Variants in ZFPM2 observed in about 807,000 individuals in gnomAD.
ZFPM2 encodes the protein zinc finger protein ZFPM2.
In ZFPM2, 20 loss-of-function variants were observed where a neutral mutation model predicts 98.6. That is an observed-to-expected ratio of 0.20 (90% confidence interval 0.14 to 0.29). The LOEUF (loss-of-function observed/expected upper bound fraction) is 0.29. ZFPM2 is among the 10% of genes least tolerant of loss of function. ZFPM2 has a pLI of 1.00. For missense variants in ZFPM2, 1,310 were observed against 1,388.6 expected, an observed-to-expected ratio of 0.94 and a Z score of 0.90; for synonymous variants, 518 against 502.7, an observed-to-expected ratio of 1.03 and a Z score of -0.41.
At chr8:105,571,841 A>G (rs1426035791) in intron 4 of ZFPM2, among the ~76,000 whole-genome samples, 2 of 152,146 alleles carry the variant, frequency 1.3e-5, no homozygotes, top group Non-Finnish European at 2.9e-5. Context: ...CTAATTTTCA[A>G]TAAATATTCC....
intron 1 of ZFPM2, among the ~76,000 whole-genome samples, chr8:105,375,865 A>T (rs1359030008): frequency 6.6e-6 from 1 of 152,104 alleles, no homozygotes; most frequent in African/African-American, 2.4e-5. Context: ...CTTCTGCAAC[A>T]TTTCCCTGTA....
At chr8:105,644,527 T>C (rs541429603) in intron 5 of ZFPM2, among the ~76,000 whole-genome samples, 17 of 152,070 alleles carry the variant, frequency 1.1e-4, no homozygotes, top group African/African-American at 3.6e-4. Flanking sequence ...TCTCTCTCTC[T>C]CCCTCGCTCC....
At chr8:105,471,829 A>G (rs1036397644) in intron 3 of ZFPM2, among the ~76,000 whole-genome samples, 8 of 152,170 alleles carry the variant, frequency 5.3e-5, no homozygotes, top group Admixed American at 2.0e-4. Flanking sequence ...TCAGAACACT[A>G]TCAGAACTCT....
chr8:105,582,002 A>G (rs1397562162), intron 4 of ZFPM2, among the ~76,000 whole-genome samples: 1 of 152,242 alleles, frequency 6.6e-6, no homozygotes, highest in Non-Finnish European at 1.5e-5. Flanking sequence ...TTAGGATCAG[A>G]CATTAGTTGG....
chr8:105,678,234 G>C (rs1224379896), intron 5 of ZFPM2, among the ~76,000 whole-genome samples: 1 of 152,072 alleles, frequency 6.6e-6, no homozygotes, highest in Non-Finnish European at 1.5e-5. Context: ...CCCTCTCTTT[G>C]CTTTTCCAGA....
chr8:105,388,051 T>A (rs1563635232), intron 1 of ZFPM2: 1 of 152,228 alleles, frequency 6.6e-6, no homozygotes, highest in Non-Finnish European at 1.5e-5. Flanking sequence ...ACCACCAAAT[T>A]AATTCAAGAC....
At chr8:105,656,243 T>C (rs548678725) in intron 5 of ZFPM2, among the ~76,000 whole-genome samples, 1 of 152,258 alleles carries the variant, frequency 6.6e-6, no homozygotes, top group South Asian at 2.1e-4. Context: ...GATGAAACCC[T>C]CCTGGTTCCT....
At chr8:105,330,178 T>C (rs1232665986) in intron 1 of ZFPM2, among the ~76,000 whole-genome samples, 1 of 151,540 alleles carries the variant, frequency 6.6e-6, no homozygotes, top group African/African-American at 2.4e-5. Flanking sequence ...CAGCCTGCAT[T>C]TGAATTTAGA....
At chr8:105,447,296 CA>C (rs1448541432) in intron 3 of ZFPM2, among the ~76,000 whole-genome samples, 1 of 147,780 alleles carries the variant, frequency 6.8e-6, no homozygotes, top group African/African-American at 2.5e-5. Context: ...AGATTTTTGG[CA>C]AAAAATTTGG....
chr8:105,644,235 C>G (rs1816998042), intron 5 of ZFPM2, among the ~76,000 whole-genome samples: 1 of 151,462 alleles, frequency 6.6e-6, no homozygotes, highest in Non-Finnish European at 1.5e-5. Context: ...ACCTCAGGGC[C>G]TTTGCACTGT....
At chr8:105,690,427 C>T (rs1460142213) in intron 5 of ZFPM2, among the ~76,000 whole-genome samples, 2 of 152,112 alleles carry the variant, frequency 1.3e-5, no homozygotes, top group Non-Finnish European at 2.9e-5. Context: ...AGAAAACTAC[C>T]GTAAGCTACA....
chr8:105,467,588 C>T lies in ZFPM2; in HGVS notation c.301+23207C>T, dbSNP rs531800192. 4.6e-5 allele frequency among the ~76,000 whole-genome samples: 7 copies of T among 152,166 alleles called. No homozygotes were observed. In the South Asian group the frequency reaches 1.5e-3, roughly 32 times the overall value. ...GATCTCTGACCTCAGAGAGCCTGCA[C>T]TTTACTATGAAATGCTGTTTAAAAT... On this transcript the variant is annotated intron_variant, in intron 3 of 7. Transcript: ENST00000407775.
At chr8:105,531,702 A>G (rs1244772394) in intron 3 of ZFPM2, among the ~76,000 whole-genome samples, 1 of 152,130 alleles carries the variant, frequency 6.6e-6, no homozygotes, top group African/African-American at 2.4e-5. Context: ...AAATGGGAAA[A>G]TTTTTTGTTT....
chr8:105,452,512 C>T (rs1292208331), intron 3 of ZFPM2, among the ~76,000 whole-genome samples: 2 of 151,902 alleles, frequency 1.3e-5, no homozygotes, highest in African/African-American at 2.4e-5. Context: ...CTTTGGGATG[C>T]CTCGGTGGGA....
At chr8:105,510,135 C>T (rs1284575301) in intron 3 of ZFPM2, among the ~76,000 whole-genome samples, 5 of 152,006 alleles carry the variant, frequency 3.3e-5, no homozygotes, top group African/African-American at 1.2e-4. Flanking sequence ...CTGTTCATAC[C>T]CTTTATGTGG....
At chr8:105,353,288 T>C (rs1812683109) in intron 1 of ZFPM2, among the ~76,000 whole-genome samples, 1 of 152,168 alleles carries the variant, frequency 6.6e-6, no homozygotes, top group Admixed American at 6.5e-5. Context: ...CTCTGTGTTC[T>C]GTTCAGATGT....
chr8:105,522,457 T>C (rs1586433933), intron 3 of ZFPM2, among the ~76,000 whole-genome samples: 4 of 152,308 alleles, frequency 2.6e-5, no homozygotes, highest in South Asian at 4.1e-4. Context: ...CTGTATATTC[T>C]TCTGTTAAGA....
intron 5 of ZFPM2, among the ~76,000 whole-genome samples, chr8:105,736,724 A>G (rs1247316302): frequency 1.3e-5 from 2 of 152,070 alleles, no homozygotes; most frequent in Admixed American, 1.3e-4. Flanking sequence ...AGAACATTTC[A>G]CTAGAATATT....
chr8:105,791,969 A>C (rs1185938709), intron 6 of ZFPM2, among the ~76,000 whole-genome samples: 1 of 151,546 alleles, frequency 6.6e-6, no homozygotes, highest in African/African-American at 2.4e-5. Flanking sequence ...CGTCTATTTG[A>C]TTCTTCTCTC....
Sources: allele counts gnomAD v4.1 joint callset (sites outside exome capture counted in the v4.1 genomes callset), GRCh38; gene constraint gnomAD v4.1.1; transcripts MANE v1.5; gene names NCBI Gene and HGNC (gene_info 2026-07-23, HGNC 2026-07-21).